The following PTGER3 variants were observed in gnomAD, a reference collection of about 807,000 sequenced individuals.
The protein encoded by PTGER3 is prostaglandin E receptor 3.
In PTGER3, 22 loss-of-function variants were observed where a neutral mutation model predicts 34.7. That is an observed-to-expected ratio of 0.63 (90% CI 0.45 to 0.91). PTGER3 has a LOEUF of 0.91. Among genes scored for constraint, PTGER3 ranks in the 40% least tolerant of loss-of-function variants. PTGER3 has a pLI of 0.00. For missense variants in PTGER3, 468 were observed against 519.4 expected, an observed-to-expected ratio of 0.90 and a Z score of 0.96; for synonymous variants, 241 against 230.1, an observed-to-expected ratio of 1.05 and a Z score of -0.43.
chr1:70,961,836 G>T (rs914316255), intron 2 of PTGER3, among the ~76,000 whole-genome samples: 2 of 152,158 alleles, frequency 1.3e-5, no homozygotes, highest in Admixed American at 1.3e-4. Flanking sequence ...ATTTCCAAAA[G>T]GATTGTAGTA....
intron 2 of PTGER3, chr1:71,009,392 T>C: frequency 1.0e-5 from 10 of 979,678 alleles, no homozygotes; most frequent in Non-Finnish European, 9.7e-6. Context: ...AACACTTACA[T>C]TTACCTAAAA....
chr1:70,903,407 G>A (rs778170596), intron 4 of PTGER3, among the ~76,000 whole-genome samples: 12 of 152,152 alleles, frequency 7.9e-5, no homozygotes, highest in Non-Finnish European at 1.6e-4. Flanking sequence ...GACTAACATA[G>A]ATATAATGCC....
At chr1:70,912,824 T>G (rs77972634) in intron 4 of PTGER3, among the ~76,000 whole-genome samples, 1,682 of 152,172 alleles carry the variant, frequency 0.011, 16 homozygotes, top group Non-Finnish European at 0.017. Context: ...GTGAGACTAT[T>G]TCTTAATTCC....
At chr1:70,994,125 G>T (rs1161044079) in intron 2 of PTGER3, among the ~76,000 whole-genome samples, 1 of 152,100 alleles carries the variant, frequency 6.6e-6, no homozygotes, top group East Asian at 1.9e-4. Context: ...TAGCCTGGCC[G>T]CTCACCTCTC....
At chr1:70,944,385 T>A (rs1650030730) in intron 4 of PTGER3, among the ~76,000 whole-genome samples, 1 of 152,120 alleles carries the variant, frequency 6.6e-6, no homozygotes, top group African/African-American at 2.4e-5. Flanking sequence ...CTGGTTGCCC[T>A]GTTACCACCA....
chr1:70,890,657 G>C (rs1354515147), intron 4 of PTGER3, among the ~76,000 whole-genome samples: 1 of 152,132 alleles, frequency 6.6e-6, no homozygotes, highest in Admixed American at 6.5e-5. Flanking sequence ...TATCTCCACA[G>C]ACACCATGTT....
At chr1:70,857,141 G>A (rs1333296811) in intron 4 of PTGER3, among the ~76,000 whole-genome samples, 1 of 152,152 alleles carries the variant, frequency 6.6e-6, no homozygotes, top group East Asian at 1.9e-4. Flanking sequence ...GTCTTTTGTA[G>A]TTACTTATAT....
chr1:70,869,372 A>G, intron 4 of PTGER3: 1 of 445,798 alleles, frequency 2.2e-6, no homozygotes, highest in Non-Finnish European at 4.6e-6. Flanking sequence ...CAAATATCCA[A>G]ACTATATCAT....
intron 4 of PTGER3, among the ~76,000 whole-genome samples, chr1:70,906,209 G>T (rs1278948588): frequency 2.6e-5 from 4 of 152,118 alleles, no homozygotes; most frequent in African/African-American, 4.8e-5. Flanking sequence ...TCTCAGTTAG[G>T]TGTTTATCAG....
At chr1:70,914,867 A>T (rs879658282) in intron 4 of PTGER3, among the ~76,000 whole-genome samples, 1 of 151,942 alleles carries the variant, frequency 6.6e-6, no homozygotes. Flanking sequence ...AAATGGATGC[A>T]ATTGAATAAA....
At position 70,899,195 on chromosome 1, in the gene PTGER3, T is replaced by G. The variant is rs561754705; in HGVS notation, c.*24-46336A>C. On this transcript the variant is annotated intron_variant, in intron 4 of 4. Transcript: ENST00000370931. The stretch of plus-strand genomic sequence containing the variant: ...TAAACATCTGTTCTGTTCCTAGCAT[T>G]ATGTTACTGGGTGCTGGAGATTCAG... Among the ~76,000 whole-genome samples, 68 of 152,334 alleles carry G rather than the reference T, an allele frequency of 4.5e-4. 1 individual carries two copies. The highest frequency in any genetic ancestry group is 1.5e-5 in the Non-Finnish European group (1 of 68,030).
intron 4 of PTGER3, among the ~76,000 whole-genome samples, chr1:70,932,149 A>C (rs1648766338): frequency 6.6e-6 from 1 of 152,158 alleles, no homozygotes; most frequent in African/African-American, 2.4e-5. Flanking sequence ...TCTTTGCTAA[A>C]ACATAACAAG....
intron 4 of PTGER3, among the ~76,000 whole-genome samples, chr1:70,922,183 T>G (rs1258172530): frequency 6.6e-6 from 1 of 152,140 alleles, no homozygotes; most frequent in Non-Finnish European, 1.5e-5. Flanking sequence ...CCTGGGGACA[T>G]GTGAAATAAG....
intron 4 of PTGER3, among the ~76,000 whole-genome samples, chr1:70,872,463 A>G (rs1365609753): frequency 1.3e-5 from 2 of 152,214 alleles, no homozygotes; most frequent in Non-Finnish European, 2.9e-5. Flanking sequence ...AACACTGACT[A>G]TGTTCCAGGT....
Position 70,986,658 on chromosome 1 carries a change from G to A in PTGER3, c.1078-12270C>T, listed in dbSNP as rs145616625. Among the ~76,000 whole-genome samples, 49 of 152,296 alleles carry A rather than the reference G, an allele frequency of 3.2e-4. 1 individual carries two copies. The East Asian group carries it at 9.3e-3, about 29-fold the overall frequency. ...AATTGATTCTGGGGATTTCAGGGAG[G>A]ACCCAAAGGGCAGGATCAGGACCTG... On this transcript the variant is annotated intron_variant, in intron 2 of 3. Transcript: ENST00000306666.
intron 4 of PTGER3, among the ~76,000 whole-genome samples, chr1:70,854,357 CAA>C (rs547223355): frequency 3.5e-4 from 53 of 152,182 alleles, no homozygotes; most frequent in Admixed American, 2.8e-3. Flanking sequence ...TAACAAGTGA[CAA>C]GATATTCAAT....
chr1:71,035,415 G>A (rs571923717), intron 1 of PTGER3, among the ~76,000 whole-genome samples: 6 of 152,038 alleles, frequency 3.9e-5, no homozygotes, highest in East Asian at 1.9e-4. Flanking sequence ...AATATTTTCC[G>A]TGGTGCATCT....
chr1:70,917,649 G>T (rs1647212191), intron 4 of PTGER3, among the ~76,000 whole-genome samples: 1 of 151,522 alleles, frequency 6.6e-6, no homozygotes, highest in Non-Finnish European at 1.5e-5. Context: ...TTCCATAATG[G>T]CTGTACTAAT....
chr1:70,869,222 A>G (rs1476693155), intron 4 of PTGER3: 1 of 465,668 alleles, frequency 2.1e-6, no homozygotes, highest in Admixed American at 2.4e-5. Flanking sequence ...ACAACAACCA[A>G]ATTTTGCAAG....
Sources: gnomAD v4.1 joint callset for allele counts (sites outside exome capture counted in the v4.1 genomes callset) on GRCh38, gnomAD v4.1.1 for gene constraint, MANE v1.5 for transcripts, NCBI Gene and HGNC (gene_info 2026-07-23, HGNC 2026-07-21) for gene names.